Variants in SEC24D observed in about 807,000 individuals in gnomAD.
SEC24D encodes the protein protein transport protein Sec24D.
A neutral mutation model predicts 116.9 loss-of-function variants in SEC24D; 69 were observed. The observed-to-expected ratio is 0.59, with a 90% CI of 0.49 to 0.72. The LOEUF (loss-of-function observed/expected upper bound fraction) is 0.72. SEC24D is among the 30% of genes least tolerant of loss of function. The probability of loss-of-function intolerance (pLI) is 0.00; values close to 1 mark genes in which losing one functional copy is unlikely to be tolerated. For missense variants in SEC24D, 1,131 were observed against 1,264.1 expected (o/e 0.89, Z 1.60); for synonymous variants, 405 against 442.8 (o/e 0.91, Z 1.07).
At chr4:118,813,224 T>C (rs530888047) in intron 6 of SEC24D, among the ~76,000 whole-genome samples, 2 of 152,158 alleles carry the variant, frequency 1.3e-5, no homozygotes, top group South Asian at 4.1e-4. Flanking sequence ...AAGCAGAGAC[T>C]GGAGTCACAT....
At position 118,797,754 on chromosome 4, in the gene SEC24D, C is replaced by A. The variant is rs1729244237; in HGVS notation, c.970G>T (p.Asp324Tyr). ...GGAATCTGAGCTTGCTTAGCCATAT[C>A]TGACGTGCATGGAAAACAGTATGTT... Reference protein sequence around the residue: ...CTTYCFPCTSDMAKQAQIPLA... With the variant: ...CTTYCFPCTSYMAKQAQIPLA... Residue 324 changes from aspartate to tyrosine, a missense_variant, in exon 8 of 23, where the codon GAT becomes TAT. By Grantham distance (160) the Asp-to-Tyr change is radical (BLOSUM62 -3). Transcript: ENST00000280551. 6.2e-7 allele frequency: 1 copy of A among 1,611,618 alleles called. No homozygotes were observed. The highest frequency in any genetic ancestry group is 1.7e-5 in the Admixed American group (1 of 59,980).
intron 19 of SEC24D, 30 bp from the exon 20 acceptor site, chr4:118,732,942 C>A: frequency 6.3e-7 from 1 of 1,577,208 alleles, no homozygotes; most frequent in Non-Finnish European, 8.7e-7. Context: ...GTTTCATACG[C>A]TTGATCTTTA....
chr4:118,738,168 G>T, intron 19 of SEC24D, 93 bp downstream of exon 19: 1 of 824,844 alleles, frequency 1.2e-6, no homozygotes, highest in Non-Finnish European at 2.1e-6. Flanking sequence ...GCATCTAAGT[G>T]CCTGCAACAT....
chr4:118,789,615 T>TA (rs1404011340), intron 8 of SEC24D, among the ~76,000 whole-genome samples: 6 of 152,238 alleles, frequency 3.9e-5, no homozygotes, highest in African/African-American at 1.4e-4. Flanking sequence ...GATGGAGTCT[T>TA]ACTCTGTCAC....
At chr4:118,772,939 G>C (rs1385613843) in intron 8 of SEC24D, among the ~76,000 whole-genome samples, 2 of 151,962 alleles carry the variant, frequency 1.3e-5, no homozygotes, top group African/African-American at 4.8e-5. Flanking sequence ...ACATTGCTGG[G>C]TGAAACTGGC....
In SEC24D at chr4:118,731,537, AC is replaced by A. The variant is rs747790225; in HGVS notation, c.2677-31del. ...GCAGGCACAGACAAAAGAGTTAGAA[AC>A]TCCTTTCTTCCCCTTCCCTTCCCTC... On this transcript the variant is annotated intron_variant, in intron 20 of 22. Coordinates refer to ENST00000280551, the MANE Select transcript of SEC24D (RefSeq NM_014822.4). 3 of 1,591,692 alleles carry A rather than the reference AC, an allele frequency of 1.9e-6. No homozygotes were observed. The Admixed American group carries it at 5.0e-5, about 27-fold the overall frequency.
At chr4:118,804,165 A>G (rs1045954473) in intron 7 of SEC24D, among the ~76,000 whole-genome samples, 3 of 152,228 alleles carry the variant, frequency 2.0e-5, no homozygotes, top group Non-Finnish European at 2.9e-5. Flanking sequence ...GAAGACTTGA[A>G]AAAGAAAATT....
At chr4:118,825,785 C>A (rs1730569987) in intron 2 of SEC24D, among the ~76,000 whole-genome samples, 1 of 152,154 alleles carries the variant, frequency 6.6e-6, no homozygotes, top group Admixed American at 6.5e-5. Context: ...TGCTCTCTGG[C>A]AAGGTCATCA....
chr4:118,780,907 C>CT lies in SEC24D; in HGVS notation c.1042-12597dup, dbSNP rs143712578. On this transcript the variant is annotated intron_variant, in intron 8 of 22. Transcript: ENST00000280551. ...TCAGAGACTAGGATTGCAACCCCTG[C>CT]TTTTTTTTTTTTTTTTTTTTTTTTT... Among the ~76,000 whole-genome samples the CT allele has an allele frequency of 9.4e-3, 582 of 61,768 alleles. 6 individuals carry two copies. Among genetic ancestry groups the CT allele is most frequent in the South Asian group, 0.013 (17 of 1,354 alleles). 40.5% of individuals were successfully genotyped at this position (61,768 alleles called of 152,430 possible).
chr4:118,818,882 T>C (rs951414591), intron 3 of SEC24D, among the ~76,000 whole-genome samples: 2 of 152,202 alleles, frequency 1.3e-5, no homozygotes, highest in African/African-American at 2.4e-5. Context: ...CCAAAAATAC[T>C]GTTAAACAAA....
chr4:118,727,515 G>A lies in SEC24D; in HGVS notation c.2958+1046C>T, dbSNP rs78764721. ...TCTGCAAATGCCCAGTTGGAGGGAT[G>A]CAGTTGCTGCAGCTGGGATGAAGGT... is the stretch of plus-strand genomic sequence containing the variant. On this transcript the variant is annotated intron_variant, in intron 22 of 22. Coordinates refer to ENST00000280551, the MANE Select transcript of SEC24D (RefSeq NM_014822.4). Among the ~76,000 whole-genome samples, 1,442 of 152,232 alleles carry A rather than the reference G, an allele frequency of 9.5e-3. 17 individuals carry two copies. Among genetic ancestry groups the A allele is most frequent in the African/African-American group, 0.033 (1,379 of 41,534 alleles).
At chr4:118,747,040 GC>G (rs1192774329) in intron 13 of SEC24D, among the ~76,000 whole-genome samples, 1 of 152,094 alleles carries the variant, frequency 6.6e-6, no homozygotes, top group Non-Finnish European at 1.5e-5. Flanking sequence ...ATTGATAGAT[GC>G]AGCATTAATA....
At chr4:118,745,524 G>C (rs1726474419) in intron 13 of SEC24D, among the ~76,000 whole-genome samples, 1 of 152,122 alleles carries the variant, frequency 6.6e-6, no homozygotes, top group Non-Finnish European at 1.5e-5. Flanking sequence ...TTTTGAGGAA[G>C]AATGCATAAG....
At chr4:118,816,906 G>A in intron 4 of SEC24D, 1 of 409,788 alleles carries the variant, frequency 2.4e-6, no homozygotes, top group Non-Finnish European at 4.8e-6. Flanking sequence ...TTCTGATTTG[G>A]GGGCCCCATC....
intron 10 of SEC24D, among the ~76,000 whole-genome samples, chr4:118,762,509 A>C (rs1294084345): frequency 6.6e-6 from 1 of 152,096 alleles, no homozygotes; most frequent in East Asian, 1.9e-4. Context: ...CAATAATGTT[A>C]ATTTTACCAT....
At chr4:118,776,741 CTTTT>C (rs1264678650) in intron 8 of SEC24D, among the ~76,000 whole-genome samples, 3 of 152,094 alleles carry the variant, frequency 2.0e-5, no homozygotes. Context: ...TGTAATTTAT[CTTTT>C]ATCTCTATGG....
At chr4:118,807,389 G>A (rs141368141) in intron 6 of SEC24D, among the ~76,000 whole-genome samples, 62 of 152,202 alleles carry the variant, frequency 4.1e-4, no homozygotes, top group African/African-American at 1.4e-3. Flanking sequence ...TAGTAGTGTG[G>A]AGTTAAAAAG....
rs757305431 is a variant in SEC24D, at chr4:118,752,097, A to G, written c.1614-8T>C. The G allele has an allele frequency of 3.2e-6, 5 of 1,556,080 alleles. No individual in the cohort carries two copies. The East Asian group carries it at 9.0e-5, about 28-fold the overall frequency. ...GGAATCTGGTCCAACAAACTATAAGACATGAGTAAGCAAAAGGTTTGAAAT... is the reference window on the plus strand; with the variant it reads ...GGAATCTGGTCCAACAAACTATAAGGCATGAGTAAGCAAAAGGTTTGAAAT... On this transcript the variant is annotated splice_region_variant and splice_polypyrimidine_tract_variant and intron_variant, in intron 12 of 22. Coordinates refer to ENST00000280551, the MANE Select transcript of SEC24D (RefSeq NM_014822.4).
intron 8 of SEC24D, among the ~76,000 whole-genome samples, chr4:118,780,568 G>A (rs1266725383): frequency 6.6e-6 from 1 of 152,180 alleles, no homozygotes; most frequent in African/African-American, 2.4e-5. Context: ...TGAGATGAAT[G>A]TATATTCTGT....
Sources: allele counts gnomAD v4.1 joint callset (sites outside exome capture counted in the v4.1 genomes callset), GRCh38; gene constraint gnomAD v4.1.1; transcripts MANE v1.5; gene names NCBI Gene and HGNC (gene_info 2026-07-23, HGNC 2026-07-21).